The following DNAH5 variants were observed in gnomAD, a reference collection of about 807,000 sequenced individuals.
DNAH5 encodes the protein axonemal beta dynein heavy chain 5.
DNAH5 carries 372 observed loss-of-function variants against 518.2 expected under a neutral mutation model. That is an observed-to-expected ratio of 0.72 (90% CI 0.66 to 0.78). The LOEUF is 0.78. DNAH5 is among the 30% of genes least tolerant of loss of function. The pLI, the probability that DNAH5 is intolerant of heterozygous loss-of-function variation, is 0.00. For synonymous variants in DNAH5, 2,039 were observed against 2,025.9 expected (o/e 1.01, Z -0.17); for missense variants, 5,523 against 5,687.0 (o/e 0.97, Z 0.93).
intron 35 of DNAH5, among the ~76,000 whole-genome samples, chr5:13,831,135 C>A (rs1003499009): frequency 5.3e-5 from 8 of 152,176 alleles, no homozygotes; most frequent in African/African-American, 1.9e-4. Context: ...CAGAAATCTA[C>A]CCCCATCTAA....
rs746962552 is a variant in DNAH5 at position 13,890,959 on chromosome 5, A to G, written c.2577+17T>C. The G allele has an allele frequency of 1.2e-5, 19 of 1,613,762 alleles. No homozygotes were observed. Among genetic ancestry groups the G allele is most frequent in the Non-Finnish European group, 1.6e-5 (19 of 1,179,892 alleles). The stretch of plus-strand genomic sequence containing the variant: ...TCACCAAAAACCTTAAACAAAAAAA[A>G]TCAAGGTTTTAATGACCTTTGTCAT... On this transcript the variant is annotated intron_variant, in intron 17 of 78. Coordinates refer to ENST00000265104, the MANE Select transcript of DNAH5 (RefSeq NM_001369.3).
rs1016212889 is a variant in DNAH5 at position 13,944,622 on chromosome 5, C to G, written c.-184G>C. ...AATAAAAATTAAAACTCCACTTATA[C>G]CACTCAAGTTTTTCTCCTAGAGTGT... is the stretch of plus-strand genomic sequence containing the variant. On this transcript the variant is annotated 5_prime_UTR_variant, in exon 1 of 79. Transcript: ENST00000265104. 6.4e-6 allele frequency: 4 copies of G among 629,740 alleles called. No homozygotes were observed. The highest frequency in any genetic ancestry group is 1.1e-5 in the Non-Finnish European group (4 of 350,970). The allele number at this position is 629,740 out of a possible 1,614,324, so 39.0% of individuals were successfully genotyped here.
intron 75 of DNAH5, among the ~76,000 whole-genome samples, chr5:13,713,116 T>C (rs1037003659): frequency 1.3e-5 from 2 of 148,504 alleles, no homozygotes; most frequent in African/African-American, 5.0e-5. Flanking sequence ...TGTATATATA[T>C]ATATATATAC....
intron 1 of DNAH5, among the ~76,000 whole-genome samples, chr5:13,979,147 G>T (rs777155329): frequency 6.6e-6 from 1 of 151,874 alleles, no homozygotes; most frequent in African/African-American, 2.4e-5. Context: ...AGGGCTTTCC[G>T]GCTCACTGTT....
chr5:13,734,677 C>T (rs553869223), intron 68 of DNAH5, among the ~76,000 whole-genome samples: 3 of 152,270 alleles, frequency 2.0e-5, no homozygotes, highest in African/African-American at 7.2e-5. Context: ...TCTTTCAGGT[C>T]TTTGCCCACC....
At chr5:13,995,264 G>C (rs538748894) in intron 1 of DNAH5, among the ~76,000 whole-genome samples, 1 of 152,092 alleles carries the variant, frequency 6.6e-6, no homozygotes, top group South Asian at 2.1e-4. Context: ...ATACAGTAGC[G>C]GGCAATTACA....
At chr5:13,958,414 G>C (rs181113613) in intron 1 of DNAH5, among the ~76,000 whole-genome samples, 79 of 152,102 alleles carry the variant, frequency 5.2e-4, no homozygotes, top group Admixed American at 1.4e-3. Context: ...TTTGTGTTTT[G>C]TTTTGTTTTT....
At chr5:13,889,332 C>CCCA (rs928604621) in intron 17 of DNAH5, among the ~76,000 whole-genome samples, 11 of 152,050 alleles carry the variant, frequency 7.2e-5, no homozygotes, top group Non-Finnish European at 1.6e-4. Context: ...GTTAGGTGTA[C>CCCA]CCACAGTTAG....
At chr5:13,802,545 T>C (rs977563772) in intron 47 of DNAH5, among the ~76,000 whole-genome samples, 3 of 152,154 alleles carry the variant, frequency 2.0e-5, no homozygotes, top group Admixed American at 6.5e-5. Flanking sequence ...AGTACAGCAT[T>C]GAGATTCTGC....
Position 13,721,114 on chromosome 5 carries a change from G to A in DNAH5, c.12165C>T (p.Pro4055=). The change falls in exon 71 of 79, where the codon CCC becomes CCT. Residue 4055 remains proline, a synonymous_variant. Coordinates refer to ENST00000265104, the MANE Select transcript of DNAH5 (RefSeq NM_001369.3). ...TCCCCAAGGCAATGATGGAATCTGT[G>A]GGGTCTGAGCCCATAGACAGGAGAC... ...LICLLSMGSD[P]TDSIIALGKR... 6.2e-7 allele frequency: 1 copy of A among 1,614,064 alleles called. No homozygotes were observed. The highest frequency in any genetic ancestry group is 1.3e-5 in the African/African-American group (1 of 75,014).
intron 1 of DNAH5, among the ~76,000 whole-genome samples, chr5:13,972,458 T>A (rs556979256): frequency 6.6e-6 from 1 of 152,320 alleles, no homozygotes; most frequent in African/African-American, 2.4e-5. Flanking sequence ...CAAGGACCCC[T>A]GTGAAACAAA....
intron 61 of DNAH5, among the ~76,000 whole-genome samples, chr5:13,755,960 G>C (rs888556049): frequency 6.6e-6 from 1 of 152,178 alleles, no homozygotes; most frequent in Non-Finnish European, 1.5e-5. Flanking sequence ...TGTTGACAAT[G>C]CAAGAGAAAG....
At chr5:14,011,657 C>G (rs1430897245) in exon 1 of DNAH5, among the ~76,000 whole-genome samples, 3 of 152,106 alleles carry the variant, frequency 2.0e-5, no homozygotes, top group African/African-American at 7.2e-5. Flanking sequence ...CCAGTTTGTC[C>G]ATGGCGCTGT....
At chr5:13,821,293 T>G (rs1294218411) in intron 40 of DNAH5, among the ~76,000 whole-genome samples, 1 of 152,224 alleles carries the variant, frequency 6.6e-6, no homozygotes, top group Non-Finnish European at 1.5e-5. Context: ...AGGTAATACT[T>G]ACAACTAGAA....
intron 43 of DNAH5, 131 bp from the exon 44 acceptor site, chr5:13,811,954 C>A: frequency 3.9e-6 from 3 of 768,538 alleles, no homozygotes; most frequent in Admixed American, 4.6e-5. Context: ...ACACTATGTT[C>A]CAGGCTTTGT....
upstream of DNAH5, among the ~76,000 whole-genome samples, chr5:13,948,890 A>G (rs1003377096): frequency 2.0e-5 from 3 of 152,216 alleles, no homozygotes; most frequent in Admixed American, 6.5e-5. Context: ...CTAAAAATGA[A>G]TAAACTCGCA....
chr5:13,890,590 C>A (rs1773089640), intron 17 of DNAH5, among the ~76,000 whole-genome samples: 1 of 152,238 alleles, frequency 6.6e-6, no homozygotes, highest in Non-Finnish European at 1.5e-5. Flanking sequence ...GGGAAACCCC[C>A]CCTCAACAAA....
chr5:13,902,662 C>A (rs148245111), intron 12 of DNAH5, among the ~76,000 whole-genome samples: 230 of 152,306 alleles, frequency 1.5e-3, no homozygotes, highest in African/African-American at 5.5e-3. Context: ...AGACAGTACA[C>A]AAACAAATGG....
Position 13,793,794 on chromosome 5 carries a change from G to C in DNAH5, c.8011-66C>G, listed in dbSNP as rs1757400896. ...CTATCCCCGGAGCCTAACTCCTTGAGTGTTTCCAAAGAAAGAACTTTACTG... is the reference window on the plus strand; with the variant it reads ...CTATCCCCGGAGCCTAACTCCTTGACTGTTTCCAAAGAAAGAACTTTACTG... On this transcript the variant is annotated intron_variant, in intron 48 of 78. Transcript: ENST00000265104. 9 of 1,578,508 alleles carry C rather than the reference G, an allele frequency of 5.7e-6. No individual in the cohort carries two copies. The Admixed American group carries it at 1.5e-4, about 27-fold the overall frequency.
Sources: allele counts gnomAD v4.1 joint callset (sites outside exome capture counted in the v4.1 genomes callset), GRCh38; gene constraint gnomAD v4.1.1; transcripts MANE v1.5; gene names NCBI Gene and HGNC (gene_info 2026-07-23, HGNC 2026-07-21).